AIM2: variants seen among roughly 807,000 people sequenced by gnomAD.
The protein encoded by AIM2 is absent in melanoma 2.
AIM2 carries 30 observed loss-of-function variants against 27.7 expected under a neutral mutation model. The ratio of observed to expected loss-of-function variants is 1.08; its 90% CI spans 0.81 to 1.47. The LOEUF is 1.47. Ranked by LOEUF, AIM2 falls within the 40% of genes most tolerant of loss-of-function variation. The pLI is 0.00. For missense variants in AIM2, 358 were observed against 411.3 expected, an observed-to-expected ratio of 0.87 and a Z score of 1.12; for synonymous variants, 141 against 145.3, an observed-to-expected ratio of 0.97 and a Z score of 0.21.
chr1:159,073,095 A>AG, intron 2 of AIM2, 143 bp downstream of exon 2: 1 of 993,640 alleles, frequency 1.0e-6, no homozygotes, highest in Non-Finnish European at 1.5e-6. Flanking sequence ...TCTCAGTAAA[A>AG]GGGGGCAAAG....
chr1:159,120,335 G>T (rs1019364408), intron 1 of AIM2, among the ~76,000 whole-genome samples: 8 of 152,112 alleles, frequency 5.3e-5, no homozygotes, highest in African/African-American at 1.9e-4. Flanking sequence ...GTACAGTCAT[G>T]TTATCTATTA....
upstream of AIM2, among the ~76,000 whole-genome samples, chr1:159,141,755 G>C (rs948019190): frequency 2.0e-5 from 3 of 152,012 alleles, no homozygotes; most frequent in African/African-American, 7.3e-5. Context: ...AGCCATCTCA[G>C]CATCCTGCTC....
At chr1:159,086,381 G>A (rs1656911617) in intron 1 of AIM2, among the ~76,000 whole-genome samples, 1 of 152,200 alleles carries the variant, frequency 6.6e-6, no homozygotes, top group Admixed American at 6.5e-5. Context: ...TTTGTGACAT[G>A]AGGCTGCCTC....
intron 2 of AIM2, among the ~76,000 whole-genome samples, chr1:159,070,324 T>C (rs1656298950): frequency 6.6e-6 from 1 of 152,212 alleles, no homozygotes; most frequent in Admixed American, 6.5e-5. Context: ...AGCAATTCAA[T>C]GGATATTTAC....
rs3026928 is a variant in AIM2 at position 159,131,650 on chromosome 1, T to C, written c.-16+8781A>G. On this transcript the variant is annotated intron_variant, in intron 1 of 2. Transcript: ENST00000368129. The stretch of plus-strand genomic sequence containing the variant: ...GATCAGCTTGGAAACTATGAAGACA[T>C]ATTCATTTCAGTTGGAGAACCTAGA... Among the ~76,000 whole-genome samples the C allele has an allele frequency of 2.9e-3, 443 of 152,266 alleles. 18 individuals carry two copies. In the East Asian group the frequency reaches 0.078, roughly 27 times the overall value.
intron 1 of AIM2, among the ~76,000 whole-genome samples, chr1:159,114,242 A>G (rs1647269759): frequency 6.6e-6 from 1 of 152,206 alleles, no homozygotes; most frequent in Non-Finnish European, 1.5e-5. Context: ...GGGACAAGCC[A>G]ACAGAATGCA....
At chr1:159,141,772 C>T (rs542088322), upstream of AIM2, among the ~76,000 whole-genome samples, 1 of 151,740 alleles carries the variant, frequency 6.6e-6, no homozygotes, top group African/African-American at 2.4e-5. Context: ...GCTCTCTGAG[C>T]GGTGGGGGGG....
intron 1 of AIM2, among the ~76,000 whole-genome samples, chr1:159,101,190 G>T (rs1458671512): frequency 2.0e-5 from 3 of 152,118 alleles, no homozygotes; most frequent in African/African-American, 7.2e-5. Flanking sequence ...TTGGGGGCAG[G>T]GGGCGGGGGT....
chr1:159,119,531 C>T (rs1427173630), intron 1 of AIM2, among the ~76,000 whole-genome samples: 3 of 151,998 alleles, frequency 2.0e-5, no homozygotes, highest in African/African-American at 7.2e-5. Flanking sequence ...TTGTCAAGAC[C>T]CCAATTGTTC....
At chr1:159,118,188 G>A (rs1457337255) in intron 1 of AIM2, among the ~76,000 whole-genome samples, 1 of 152,138 alleles carries the variant, frequency 6.6e-6, no homozygotes, top group Non-Finnish European at 1.5e-5. Flanking sequence ...ATCCAATCAA[G>A]GCTTACACAC....
chr1:159,080,930 C>A (rs913837020), upstream of AIM2, among the ~76,000 whole-genome samples: 6 of 152,090 alleles, frequency 3.9e-5, no homozygotes, highest in African/African-American at 1.4e-4. Context: ...ACAGGCCAGT[C>A]TAATACTAGA....
chr1:159,146,731 C>T (rs539235419), intron 1 of AIM2, among the ~76,000 whole-genome samples: 13 of 152,114 alleles, frequency 8.5e-5, no homozygotes, highest in Non-Finnish European at 1.9e-4. Flanking sequence ...TCTGTCTCTG[C>T]CCCCCTTAGC....
intron 1 of AIM2, among the ~76,000 whole-genome samples, chr1:159,133,696 T>C (rs986358961): frequency 6.6e-6 from 1 of 152,212 alleles, no homozygotes; most frequent in African/African-American, 2.4e-5. Flanking sequence ...TCTTCTTATA[T>C]ACTTCTTTCC....
At chr1:159,077,894 A>C (rs1656670560), upstream of AIM2, among the ~76,000 whole-genome samples, 1 of 152,234 alleles carries the variant, frequency 6.6e-6, no homozygotes. Flanking sequence ...ACAAAGTTCC[A>C]GATGTTGAGC....
chr1:159,073,780 A>C (rs550444322), intron 1 of AIM2, among the ~76,000 whole-genome samples: 1 of 152,266 alleles, frequency 6.6e-6, no homozygotes, highest in East Asian at 1.9e-4. Flanking sequence ...TCACGCCTGT[A>C]ATAATCCCAG....
intron 1 of AIM2, among the ~76,000 whole-genome samples, chr1:159,075,027 T>C (rs577916124): frequency 3.9e-5 from 6 of 152,322 alleles, no homozygotes; most frequent in Admixed American, 2.6e-4. Context: ...TATCAGGATG[T>C]ACTATCCCTA....
chr1:159,143,880 C>T (rs920788004), upstream of AIM2, among the ~76,000 whole-genome samples: 5 of 152,204 alleles, frequency 3.3e-5, no homozygotes, highest in Middle Eastern at 0.01. Flanking sequence ...CAAATTCCAA[C>T]GTAGGAATGA....
At chr1:159,110,793 C>A (rs1657552674) in intron 1 of AIM2, among the ~76,000 whole-genome samples, 1 of 152,188 alleles carries the variant, frequency 6.6e-6, no homozygotes, top group Admixed American at 6.5e-5. Flanking sequence ...CCCTTCACTG[C>A]ACACATATTA....
chr1:159,073,303 A>T lies in AIM2; in HGVS notation c.197T>A (p.Ile66Asn). ...ATAATTCAACTTCTGAAAAATACGA[A>T]TGGTCTTCATCACTGCAGACACCGC... ...AGAVSAVMKT[I>N]RIFQKLNYML... Residue 66 changes from isoleucine to asparagine, a missense_variant, in exon 2 of 6, where the codon ATT (isoleucine) becomes AAT (asparagine). Transcript: ENST00000368130. 1 of 1,614,160 alleles carries T rather than the reference A, an allele frequency of 6.2e-7. No individual in the cohort carries two copies. The highest frequency in any genetic ancestry group is 1.1e-5 in the South Asian group (1 of 91,084).
Sources: allele counts gnomAD v4.1 joint callset (sites outside exome capture counted in the v4.1 genomes callset), GRCh38; gene constraint gnomAD v4.1.1; transcripts MANE v1.5; gene names NCBI Gene and HGNC (gene_info 2026-07-23, HGNC 2026-07-21).